Variants in RNF213 observed in about 807,000 individuals in gnomAD.
RNF213 encodes E3 ubiquitin-protein ligase RNF213.
RNF213 carries 341 observed loss-of-function variants against 514.4 expected under a neutral mutation model. That is an observed-to-expected ratio of 0.66 (90% CI 0.61 to 0.73). The LOEUF is 0.73. Ranked by LOEUF, RNF213 falls within the 30% of genes least tolerant of loss-of-function variation. RNF213 has a pLI of 0.00. For missense variants in RNF213, 5,767 were observed against 6,615.6 expected (o/e 0.87, Z 4.45); for synonymous variants, 2,655 against 2,658.2 (o/e 1.00, Z 0.04).
Position 80,349,916 on chromosome 17 carries a change from C to T in RNF213, c.10088+10C>T. On this transcript the variant is annotated intron_variant, in intron 30 of 67. Transcript: ENST00000582970. ...TCCTCAAAGAAGTCCGGTGAGGTTC[C>T]CTGCCTTCCCTGCTGCCCTCTCCCT... 1 of 1,612,744 alleles carries T rather than the reference C, an allele frequency of 6.2e-7. No homozygotes were observed. The highest frequency in any genetic ancestry group is 1.7e-5 in the Admixed American group (1 of 60,014).
At chr17:80,319,532 C>T (rs1244364349) in intron 17 of RNF213, 4 of 1,612,730 alleles carry the variant, frequency 2.5e-6, no homozygotes, top group Middle Eastern at 1.8e-4. Flanking sequence ...TCGCACCATC[C>T]TGCATGTGTT....
chr17:80,395,273 C>T lies in RNF213; in HGVS notation c.*1775C>T, dbSNP rs2080631859. On this transcript the variant is annotated 3_prime_UTR_variant, in exon 68 of 68. Coordinates refer to ENST00000582970, the MANE Select transcript of RNF213 (RefSeq NM_001256071.3). ...AAAAAATGAATTTTATTTTACTTGTCACACCTGTCTTAATAAACTGGAGTT... is the reference window on the plus strand; with the variant it reads ...AAAAAATGAATTTTATTTTACTTGTTACACCTGTCTTAATAAACTGGAGTT... 2 of 151,564 alleles carry T rather than the reference C, an allele frequency of 1.3e-5. No individual in the cohort carries two copies. Among genetic ancestry groups the T allele is most frequent in the South Asian group, 2.1e-4 (1 of 4,804 alleles). The allele number at this position is 151,564 out of a possible 1,614,324, so 9.4% of individuals were successfully genotyped here.
intron 3 of RNF213, among the ~76,000 whole-genome samples, chr17:80,275,079 T>A (rs1196428508): frequency 2.1e-4 from 24 of 112,696 alleles, no homozygotes; most frequent in Non-Finnish European, 4.0e-4. Context: ...GGTGTGTGAG[T>A]GGGGTGTGTT....
chr17:80,364,323 G>GT (rs2079170903), intron 41 of RNF213, 110 bp from the exon 42 acceptor site: 3 of 1,492,762 alleles, frequency 2.0e-6, no homozygotes, highest in Non-Finnish European at 1.9e-6. Flanking sequence ...CCCAGCCGCT[G>GT]GGCCTGGACC....
Position 80,353,440 on chromosome 17 carries a change from C to T in RNF213, c.10424-72C>T. 4 of 1,520,438 alleles carry T rather than the reference C, an allele frequency of 2.6e-6. No individual in the cohort carries two copies. The highest frequency in any genetic ancestry group is 2.7e-6 in the Non-Finnish European group (3 of 1,117,964). The allele number at this position is 1,520,438 out of a possible 1,614,324, so 94.2% of individuals were successfully genotyped here. ...ACTCGGAGGCTGAGCACACAGACTC[C>T]CAGATGGCACCGCTGCCAGTCCCTG... On this transcript the variant is annotated intron_variant, in intron 33 of 67. Transcript: ENST00000582970. The surrounding 1 kb of genome is among the most constrained non-coding windows in gnomAD (Gnocchi z 5.0).
intron 36 of RNF213, among the ~76,000 whole-genome samples, chr17:80,356,709 G>C (rs1167745535): frequency 1.3e-5 from 2 of 152,226 alleles, no homozygotes; most frequent in Non-Finnish European, 2.9e-5. Context: ...TTGTCCCAGC[G>C]CCTGGGTTTT....
chr17:80,375,201 G>C (rs1433420194), intron 50 of RNF213: 2 of 176,746 alleles, frequency 1.1e-5, no homozygotes, highest in Non-Finnish European at 2.5e-5. Context: ...TCATTAAGCT[G>C]GCTGCTAAAT....
intron 3 of RNF213, among the ~76,000 whole-genome samples, chr17:80,281,066 TCACA>T (rs2044239097): frequency 6.8e-6 from 1 of 147,930 alleles, no homozygotes; most frequent in African/African-American, 2.5e-5. Flanking sequence ...CTCACCCCAG[TCACA>T]CACACCCCCC....
chr17:80,298,004 T>C (rs559259338), intron 10 of RNF213, among the ~76,000 whole-genome samples: 2 of 152,348 alleles, frequency 1.3e-5, no homozygotes, highest in East Asian at 3.9e-4. Flanking sequence ...TGTTGCCAGA[T>C]GGCCTGGGTT....
At chr17:80,380,715 G>C in intron 55 of RNF213, 116 bp from the exon 56 acceptor site, 3 of 1,201,554 alleles carry the variant, frequency 2.5e-6, no homozygotes, top group Non-Finnish European at 3.7e-6. Flanking sequence ...GGAACAGCAA[G>C]TACTCTTCAC....
Position 80,277,539 on chromosome 17 carries a change from A to C in RNF213, c.261+4135A>C, listed in dbSNP as rs2044109691. On this transcript the variant is annotated intron_variant, in intron 3 of 67. Transcript: ENST00000582970. ...CTTGAACCTAGGAGGCAGAGGTTGCAGTGAGCCGAGATTGAGACACCGCAC... is the reference window on the plus strand; with the variant it reads ...CTTGAACCTAGGAGGCAGAGGTTGCCGTGAGCCGAGATTGAGACACCGCAC... Among the ~76,000 whole-genome samples the C allele has an allele frequency of 2.1e-5, 3 of 145,214 alleles. No individual in the cohort carries two copies. In the South Asian group the frequency reaches 6.8e-4, roughly 33 times the overall value.
chr17:80,345,742 T>C lies in RNF213; in HGVS notation c.7407T>C (p.Asn2469=), dbSNP rs758664381. 1 of 1,614,108 alleles carries C rather than the reference T, an allele frequency of 6.2e-7. No homozygotes were observed. Among genetic ancestry groups the C allele is most frequent in the Non-Finnish European group, 8.5e-7 (1 of 1,180,032 alleles). Residue 2469 remains asparagine, a synonymous_variant, in exon 29 of 68, where the codon AAT becomes AAC. Coordinates refer to ENST00000582970, the MANE Select transcript of RNF213 (RefSeq NM_001256071.3). This position sits in a 1 kb window ranked among gnomAD's most constrained non-coding sequence, Gnocchi z 6.0. ...ACTCCAGAGTCAGGGAGGCTGAAAATGTGGCCTTCGCCAATAAGGACCAAC... is the reference window on the plus strand; with the variant it reads ...ACTCCAGAGTCAGGGAGGCTGAAAACGTGGCCTTCGCCAATAAGGACCAAC... The part of the protein sequence containing the change: ...MIYSRVREAE[N]VAFANKDQHQ...
intron 21 of RNF213, among the ~76,000 whole-genome samples, chr17:80,333,531 TA>T (rs1308291789): frequency 6.6e-6 from 1 of 151,470 alleles, no homozygotes; most frequent in Non-Finnish European, 1.5e-5. Context: ...CCATCTCTAC[TA>T]AAAATACAAA....
chr17:80,376,206 T>G, intron 51 of RNF213, 95 bp from the exon 52 acceptor site: 5 of 1,428,290 alleles, frequency 3.5e-6, no homozygotes, highest in Non-Finnish European at 4.9e-6. Flanking sequence ...ATATTTACCT[T>G]GATATTTGAT....
At chr17:80,357,203 C>T (rs2078861655) in intron 36 of RNF213, among the ~76,000 whole-genome samples, 1 of 152,208 alleles carries the variant, frequency 6.6e-6, no homozygotes, top group Non-Finnish European at 1.5e-5. Flanking sequence ...ACGTGAGCCA[C>T]CGTGCCCAGC....
At position 80,288,906 on chromosome 17, in the gene RNF213, C is replaced by T. The variant is rs536906319; in HGVS notation, c.933+151C>T. On this transcript the variant is annotated intron_variant, in intron 5 of 67. Coordinates refer to ENST00000582970, the MANE Select transcript of RNF213 (RefSeq NM_001256071.3). This position sits in a 1 kb window ranked among gnomAD's most constrained non-coding sequence, Gnocchi z 4.9. ...GGCCTTCGGGGTGCTCACATTCCAG[C>T]GGAGAGAGAGTCAGGAAACCGACTT... is the stretch of plus-strand genomic sequence containing the variant. 407 of 1,387,862 alleles carry T rather than the reference C, an allele frequency of 2.9e-4. 6 individuals are homozygous for T. In the South Asian group the frequency reaches 4.2e-3, roughly 14 times the overall value. The allele number at this position is 1,387,862 out of a possible 1,614,324, so 86.0% of individuals were successfully genotyped here.
intron 18 of RNF213, 113 bp from the exon 19 acceptor site, chr17:80,327,703 T>A: frequency 1.2e-6 from 1 of 860,294 alleles, no homozygotes; most frequent in Non-Finnish European, 1.8e-6. Flanking sequence ...AGCCATTGCC[T>A]GTGTTTGAGG....
chr17:80,376,798 C>A (rs1296752784), intron 52 of RNF213, 84 bp from the exon 53 acceptor site: 2 of 1,263,860 alleles, frequency 1.6e-6, no homozygotes, highest in Non-Finnish European at 2.3e-6. Flanking sequence ...AGTTCCCTTT[C>A]TTCCTCTAGG....
Position 80,339,314 on chromosome 17 carries a change from G to T in RNF213, c.4947G>T (p.Val1649=). The change falls in exon 26 of 68, where the codon GTG becomes GTT. Residue 1649 remains valine, a synonymous_variant. Coordinates refer to ENST00000582970, the MANE Select transcript of RNF213 (RefSeq NM_001256071.3). ...AMAYCSPKQG[V]SLQMDFGLDL... ...CCTACTGCTCCCCCAAGCAGGGTGTGTCCCTCCAAATGGACTTTGGCTTGG... is the reference window on the plus strand; with the variant it reads ...CCTACTGCTCCCCCAAGCAGGGTGTTTCCCTCCAAATGGACTTTGGCTTGG... 18 of 1,537,192 alleles carry T rather than the reference G, an allele frequency of 1.2e-5. No homozygotes were observed. The highest frequency in any genetic ancestry group is 1.6e-5 in the Non-Finnish European group (18 of 1,146,842).
Sources: allele counts gnomAD v4.1 joint callset (sites outside exome capture counted in the v4.1 genomes callset), GRCh38; gene constraint gnomAD v4.1.1; non-coding constraint Gnocchi (gnomAD v3.1); transcripts MANE v1.5; gene names NCBI Gene and HGNC (gene_info 2026-07-23, HGNC 2026-07-21).